Variants in KMT5A observed in about 807,000 individuals in gnomAD.
The protein encoded by KMT5A is N-lysine methyltransferase KMT5A.
KMT5A carries 6 observed loss-of-function variants against 40.6 expected under a neutral mutation model. The ratio of observed to expected loss-of-function variants is 0.15; its 90% CI spans 0.08 to 0.29. KMT5A has a LOEUF of 0.29. KMT5A is among the 10% of genes least tolerant of loss of function. KMT5A has a pLI of 1.00. For synonymous variants in KMT5A, 153 were observed against 178.8 expected (o/e 0.86, Z 1.15); for missense variants, 308 against 459.1 (o/e 0.67, Z 3.01).
In KMT5A at chr12:123,409,210, G is replaced by C. The variant is rs1388722942; in HGVS notation, c.*1507G>C. Reference sequence around the variant, plus strand: ...GTCAGTGGTCAGCAAATTGGAAGAGGATCCGATGGGAGTGTAAATGTGAGA... The same window carrying C: ...GTCAGTGGTCAGCAAATTGGAAGAGCATCCGATGGGAGTGTAAATGTGAGA... On this transcript the variant is annotated 3_prime_UTR_variant, in exon 8 of 8. Coordinates refer to ENST00000402868, the MANE Select transcript of KMT5A (RefSeq NM_020382.7). The C allele has an allele frequency of 6.6e-6, 1 of 152,604 alleles. No homozygotes were observed. The highest frequency in any genetic ancestry group is 6.6e-5 in the Admixed American group (1 of 15,254). The allele number at this position is 152,604 out of a possible 1,614,324, so 9.5% of individuals were successfully genotyped here.
intron 7 of KMT5A, among the ~76,000 whole-genome samples, chr12:123,405,948 T>A (rs905864796): frequency 6.6e-6 from 1 of 151,956 alleles, no homozygotes; most frequent in Admixed American, 6.6e-5. Context: ...GCCTCCTGAG[T>A]AGCTGGGACT....
chr12:123,385,560 T>C (rs1876823619), intron 1 of KMT5A, among the ~76,000 whole-genome samples: 1 of 152,124 alleles, frequency 6.6e-6, no homozygotes, highest in Admixed American at 6.6e-5. Context: ...TATGACTAAA[T>C]AATAATTATG....
At chr12:123,394,443 G>C (rs1453845747) in intron 3 of KMT5A, among the ~76,000 whole-genome samples, 3 of 152,068 alleles carry the variant, frequency 2.0e-5, no homozygotes. Flanking sequence ...TTTTTAAAAA[G>C]GTAAGCAGTT....
chr12:123,390,534 G>A (rs921185409), intron 2 of KMT5A, 96 bp from the exon 3 acceptor site: 2 of 1,466,212 alleles, frequency 1.4e-6, no homozygotes, highest in African/African-American at 2.8e-5. Context: ...GAAAAACGGT[G>A]TTGTCTGATT....
intron 1 of KMT5A, among the ~76,000 whole-genome samples, chr12:123,385,165 A>G (rs901542292): frequency 5.3e-5 from 8 of 152,190 alleles, no homozygotes; most frequent in African/African-American, 1.9e-4. Flanking sequence ...TGATTCATTC[A>G]GTAAATATCT....
intron 4 of KMT5A, 36 bp downstream of exon 4, chr12:123,395,302 G>A (rs751435845): frequency 1.2e-5 from 19 of 1,592,984 alleles, no homozygotes; most frequent in Non-Finnish European, 1.4e-5. Flanking sequence ...CTAACGTGGA[G>A]CAGTTTGGTT....
At chr12:123,398,554 A>G (rs1877913394) in intron 5 of KMT5A, among the ~76,000 whole-genome samples, 1 of 152,184 alleles carries the variant, frequency 6.6e-6, no homozygotes, top group Admixed American at 6.5e-5. Flanking sequence ...GGAAGAACAC[A>G]CTTGCTTCCC....
intron 1 of KMT5A, among the ~76,000 whole-genome samples, chr12:123,385,741 C>T (rs1876836293): frequency 6.6e-6 from 1 of 152,044 alleles, no homozygotes; most frequent in Admixed American, 6.6e-5. Context: ...ATCCCAGCTA[C>T]TTGGGAGGCT....
intron 6 of KMT5A, among the ~76,000 whole-genome samples, chr12:123,404,226 T>C (rs1302961331): frequency 6.6e-6 from 1 of 152,188 alleles, no homozygotes; most frequent in East Asian, 1.9e-4. Flanking sequence ...CACACTCAGT[T>C]TGGGCGAGAG....
intron 3 of KMT5A, 54 bp from the exon 4 acceptor site, chr12:123,394,993 G>A: frequency 1.4e-6 from 2 of 1,449,692 alleles, no homozygotes; most frequent in South Asian, 2.5e-5. Flanking sequence ...TGGTCGTCTG[G>A]AAATTGAGAG....
Position 123,404,925 on chromosome 12 carries a change from C to A in KMT5A, c.699C>A (p.Thr233=). 6.2e-7 allele frequency: 1 copy of A among 1,613,442 alleles called. No homozygotes were observed. Among genetic ancestry groups the A allele is most frequent in the Non-Finnish European group, 8.5e-7 (1 of 1,179,842 alleles). ...GCAAAGGCAGGGGTGTGATTGCCAC[C>A]AAGCAGTTCTCCCGGGGTGACTTTG... ...IDGKGRGVIA[T]KQFSRGDFVV... The change falls in exon 7 of 8, where the codon ACC becomes ACA. Residue 233 remains threonine, a synonymous_variant. Transcript: ENST00000402868.
chr12:123,395,567 T>G (rs1877656124), intron 4 of KMT5A, among the ~76,000 whole-genome samples: 1 of 132,534 alleles, frequency 7.5e-6, no homozygotes, highest in South Asian at 2.7e-4. Flanking sequence ...GTGTTTTGTG[T>G]TTTTTTTTTT....
intron 6 of KMT5A, among the ~76,000 whole-genome samples, chr12:123,404,237 GAGA>G: frequency 6.6e-6 from 1 of 152,190 alleles, no homozygotes; most frequent in Non-Finnish European, 1.5e-5. Flanking sequence ...TGGGCGAGAG[GAGA>G]AGTACTCTCT....
At chr12:123,402,692 C>T (rs1878267730) in intron 5 of KMT5A, among the ~76,000 whole-genome samples, 2 of 152,092 alleles carry the variant, frequency 1.3e-5, no homozygotes, top group East Asian at 3.9e-4. Context: ...GGAGGGGTGG[C>T]CTTAGAGGAG....
intron 1 of KMT5A, among the ~76,000 whole-genome samples, chr12:123,385,924 T>C (rs1876847713): frequency 1.3e-5 from 2 of 152,138 alleles, no homozygotes; most frequent in South Asian, 4.1e-4. Context: ...TTAACTCAAT[T>C]GATCTTTACA....
At chr12:123,397,561 C>T (rs773964558) in intron 5 of KMT5A, among the ~76,000 whole-genome samples, 110 of 152,056 alleles carry the variant, frequency 7.2e-4, no homozygotes, top group Non-Finnish European at 1.4e-3. Flanking sequence ...TTCTTCCCCA[C>T]AGAGAGCAGC....
At chr12:123,403,445 G>T in intron 5 of KMT5A, 128 bp from the exon 6 acceptor site, 1 of 909,710 alleles carries the variant, frequency 1.1e-6, no homozygotes, top group Non-Finnish European at 1.7e-6. Context: ...ATCATCCCCA[G>T]TGATGCCAAA....
chr12:123,401,807 C>G (rs999299018), intron 5 of KMT5A, among the ~76,000 whole-genome samples: 1 of 152,100 alleles, frequency 6.6e-6, no homozygotes, highest in Non-Finnish European at 1.5e-5. Flanking sequence ...GTCTCAAACT[C>G]GTAACCTCAA....
intron 5 of KMT5A, among the ~76,000 whole-genome samples, chr12:123,401,245 C>T (rs1342148242): frequency 7.6e-6 from 1 of 131,854 alleles, no homozygotes; most frequent in Admixed American, 9.1e-5. Context: ...GCCTCCCGGG[C>T]TCACACCATT....
Sources: gnomAD v4.1 joint callset for allele counts (sites outside exome capture counted in the v4.1 genomes callset) on GRCh38, gnomAD v4.1.1 for gene constraint, MANE v1.5 for transcripts, NCBI Gene and HGNC (gene_info 2026-07-23, HGNC 2026-07-21) for gene names.